The following DAAM1 variants were observed in gnomAD, a reference collection of about 807,000 sequenced individuals.
DAAM1 encodes the protein dishevelled associated activator of morphogenesis 1, also known as disheveled-associated activator of morphogenesis 1.
DAAM1 carries 52 observed loss-of-function variants against 130.0 expected under a neutral mutation model. That is an observed-to-expected ratio of 0.40 (90% confidence interval 0.32 to 0.50). The LOEUF is 0.50. Among genes scored for constraint, DAAM1 ranks in the 20% least tolerant of loss-of-function variants. DAAM1 has a pLI of 0.61. For synonymous variants in DAAM1, 452 were observed against 444.5 expected (o/e 1.02, Z -0.21); for missense variants, 1,134 against 1,303.8 (o/e 0.87, Z 2.01).
At chr14:59,216,702 A>G (rs1888591814) in intron 1 of DAAM1, among the ~76,000 whole-genome samples, 1 of 152,072 alleles carries the variant, frequency 6.6e-6, no homozygotes, top group Admixed American at 6.6e-5. Flanking sequence ...CCTGAGGGAG[A>G]GAGCGAGACT....
intron 1 of DAAM1, among the ~76,000 whole-genome samples, chr14:59,239,371 C>T (rs1418758945): frequency 6.6e-6 from 1 of 152,152 alleles, no homozygotes; most frequent in Non-Finnish European, 1.5e-5. Context: ...TGCTTAAACA[C>T]AGTCTCCTTA....
chr14:59,289,996 G>A (rs1883669940), intron 2 of DAAM1, among the ~76,000 whole-genome samples: 1 of 151,964 alleles, frequency 6.6e-6, no homozygotes, highest in Admixed American at 6.6e-5. Flanking sequence ...AAGGTGGTGG[G>A]GGTGTTGGCA....
At chr14:59,214,032 G>A (rs1378472537) in intron 1 of DAAM1, among the ~76,000 whole-genome samples, 1 of 152,162 alleles carries the variant, frequency 6.6e-6, no homozygotes, top group East Asian at 1.9e-4. Context: ...AACGTACCTG[G>A]TTTGATTTGG....
At chr14:59,190,543 G>A (rs1039856918) in intron 1 of DAAM1, among the ~76,000 whole-genome samples, 7 of 152,202 alleles carry the variant, frequency 4.6e-5, no homozygotes, top group Non-Finnish European at 1.0e-4. Flanking sequence ...AGACACTGCA[G>A]TCCCTTGTGG....
In DAAM1 at chr14:59,193,844, C is replaced by T. The variant is rs960493048; in HGVS notation, c.-38+5076C>T. Among the ~76,000 whole-genome samples the T allele has an allele frequency of 2.6e-5, 4 of 152,164 alleles. No homozygotes were observed. The East Asian group carries it at 5.8e-4, about 22-fold the overall frequency. On this transcript the variant is annotated intron_variant, in intron 1 of 24. Coordinates refer to ENST00000360909, the MANE Select transcript of DAAM1 (RefSeq NM_001270520.2). Reference sequence around the variant, plus strand: ...GTGCCACAGCTTCCACGAAGCCTTCCCTGCCCTTCCTCCTTAAAGCACTTA... The same window carrying T: ...GTGCCACAGCTTCCACGAAGCCTTCTCTGCCCTTCCTCCTTAAAGCACTTA...
chr14:59,220,260 T>G (rs1888728831), intron 1 of DAAM1, among the ~76,000 whole-genome samples: 1 of 152,168 alleles, frequency 6.6e-6, no homozygotes, highest in South Asian at 2.1e-4. Context: ...TTTAAGCTCC[T>G]AAAAGGCAAG....
At chr14:59,361,996 A>C (rs1886720509) in intron 22 of DAAM1, among the ~76,000 whole-genome samples, 1 of 151,112 alleles carries the variant, frequency 6.6e-6, no homozygotes, top group Non-Finnish European at 1.5e-5. Flanking sequence ...TCAATAAATT[A>C]AGGAGCATGT....
At chr14:59,204,352 C>T (rs913514020) in intron 1 of DAAM1, among the ~76,000 whole-genome samples, 2 of 152,200 alleles carry the variant, frequency 1.3e-5, no homozygotes, top group African/African-American at 4.8e-5. Flanking sequence ...CTTTTAGCTT[C>T]TAGAGGCCAC....
chr14:59,194,516 C>G (rs192829679), intron 1 of DAAM1, among the ~76,000 whole-genome samples: 3 of 152,118 alleles, frequency 2.0e-5, no homozygotes, highest in Non-Finnish European at 2.9e-5. Context: ...GGGTTGAATC[C>G]CTCATCTGAT....
chr14:59,287,156 A>G (rs1883500094), intron 2 of DAAM1, among the ~76,000 whole-genome samples: 1 of 152,204 alleles, frequency 6.6e-6, no homozygotes. Context: ...AACGTGATTC[A>G]CCACATAAAC....
chr14:59,294,113 G>A (rs1318466068), intron 3 of DAAM1, among the ~76,000 whole-genome samples: 1 of 152,164 alleles, frequency 6.6e-6, no homozygotes, highest in African/African-American at 2.4e-5. Flanking sequence ...TAAAGTCATA[G>A]AGTAAGGGGC....
intron 1 of DAAM1, among the ~76,000 whole-genome samples, chr14:59,206,836 T>C (rs1888276945): frequency 6.6e-6 from 1 of 152,218 alleles, no homozygotes; most frequent in Non-Finnish European, 1.5e-5. Flanking sequence ...TAAAGTAGGG[T>C]CTTGACTGGG....
intron 3 of DAAM1, among the ~76,000 whole-genome samples, chr14:59,303,082 T>C (rs536653687): frequency 5.3e-5 from 8 of 152,340 alleles, no homozygotes; most frequent in African/African-American, 1.9e-4. Flanking sequence ...CACAGAATGT[T>C]TATCAACAGT....
intron 1 of DAAM1, among the ~76,000 whole-genome samples, chr14:59,221,051 A>C (rs1168462309): frequency 2.6e-5 from 4 of 152,170 alleles, no homozygotes; most frequent in Non-Finnish European, 4.4e-5. Context: ...ATCCATACAC[A>C]TCCCCTTAAA....
intron 3 of DAAM1, among the ~76,000 whole-genome samples, chr14:59,313,162 GA>G (rs1367160990): frequency 6.6e-6 from 1 of 152,172 alleles, no homozygotes; most frequent in Non-Finnish European, 1.5e-5. Context: ...CCTCACAAAG[GA>G]GGAGGAGAGA....
chr14:59,367,514 A>T lies in DAAM1; in HGVS notation c.2912A>T (p.Gln971Leu). ...EFFGIFDQFL[Q>L]AVSEAKQENE... ...TTTGGCATTTTTGATCAATTTCTTCAAGCTGTGTCAGAAGCCAAACAAGAA... is the reference window on the plus strand; with the variant it reads ...TTTGGCATTTTTGATCAATTTCTTCTAGCTGTGTCAGAAGCCAAACAAGAA... The change falls in exon 24 of 25, where the codon CAA becomes CTA. Residue 971 changes from glutamine to leucine, a missense_variant. Transcript: ENST00000360909. The T allele has an allele frequency of 6.2e-7, 1 of 1,614,072 alleles. No individual in the cohort carries two copies.
chr14:59,363,006 A>ATGATTAAATTAACCATTAACATTAGATTT (rs1886770896), intron 22 of DAAM1: 1 of 152,352 alleles, frequency 6.6e-6, no homozygotes, highest in South Asian at 2.1e-4. Flanking sequence ...GCATCTGGCA[A>ATGATTAAATTAACCATTAACATTAGATTT]TGATTAAATT....
At chr14:59,230,082 G>A (rs1009569780) in intron 1 of DAAM1, among the ~76,000 whole-genome samples, 26 of 152,168 alleles carry the variant, frequency 1.7e-4, no homozygotes, top group African/African-American at 5.3e-4. Context: ...CAGCTGTGAT[G>A]TAGTTGAGAC....
chr14:59,210,316 G>A (rs1045855213), intron 1 of DAAM1, among the ~76,000 whole-genome samples: 1 of 152,114 alleles, frequency 6.6e-6, no homozygotes, highest in African/African-American at 2.4e-5. Context: ...CTATCACATG[G>A]TATTTTTGCA....
Sources: allele counts gnomAD v4.1 joint callset (sites outside exome capture counted in the v4.1 genomes callset), GRCh38; gene constraint gnomAD v4.1.1; transcripts MANE v1.5; gene names NCBI Gene and HGNC (gene_info 2026-07-23, HGNC 2026-07-21).